The following PTPN4 variants were observed in gnomAD, a reference collection of about 807,000 sequenced individuals.
The protein encoded by PTPN4 is protein tyrosine phosphatase non-receptor type 4, also known as tyrosine-protein phosphatase non-receptor type 4.
PTPN4 carries 49 observed loss-of-function variants against 135.5 expected under a neutral mutation model. That is an observed-to-expected ratio of 0.36 (90% CI 0.29 to 0.46). PTPN4 has a LOEUF of 0.46. Among genes scored for constraint, PTPN4 ranks in the 20% least tolerant of loss-of-function variants. The probability of loss-of-function intolerance (pLI) is 1.00; values close to 1 mark genes in which losing one functional copy is unlikely to be tolerated. For missense variants in PTPN4, 860 were observed against 1,101.0 expected (o/e 0.78, Z 3.10); for synonymous variants, 333 against 369.9 (o/e 0.90, Z 1.14).
At chr2:119,764,797 A>G (rs931411807) in intron 1 of PTPN4, among the ~76,000 whole-genome samples, 2 of 152,204 alleles carry the variant, frequency 1.3e-5, no homozygotes, top group Non-Finnish European at 2.9e-5. Context: ...TTTAAAAAGG[A>G]TAAATACTGT....
At chr2:119,823,948 T>G (rs1014069284) in intron 2 of PTPN4, among the ~76,000 whole-genome samples, 3 of 152,240 alleles carry the variant, frequency 2.0e-5, no homozygotes, top group Non-Finnish European at 4.4e-5. Flanking sequence ...ATGTGGAGAC[T>G]CTGTGGAAAG....
At chr2:119,913,085 T>G (rs1678597500) in intron 10 of PTPN4, among the ~76,000 whole-genome samples, 1 of 152,204 alleles carries the variant, frequency 6.6e-6, no homozygotes, top group African/African-American at 2.4e-5. Flanking sequence ...TGCTGAATAA[T>G]TTTCCATTTT....
intron 1 of PTPN4, among the ~76,000 whole-genome samples, chr2:119,766,459 T>TCC (rs1558718916): frequency 9.9e-5 from 14 of 140,848 alleles, no homozygotes; most frequent in Admixed American, 2.8e-4. Flanking sequence ...CGTGTGTGTG[T>TCC]GTGTGTGTGT....
chr2:119,857,895 G>A (rs990184822), intron 2 of PTPN4, among the ~76,000 whole-genome samples: 2 of 152,148 alleles, frequency 1.3e-5, no homozygotes, highest in African/African-American at 4.8e-5. Context: ...GATTCCCAGT[G>A]TTGGAGGTAG....
intron 14 of PTPN4, among the ~76,000 whole-genome samples, chr2:119,934,116 A>T (rs915110049): frequency 1.3e-5 from 2 of 152,212 alleles, no homozygotes; most frequent in Non-Finnish European, 2.9e-5. Context: ...AAGATTTTTT[A>T]AAATTCTGAA....
rs146326955 is a variant in PTPN4 at position 119,772,253 on chromosome 2, G to C, written c.-18+11869G>C. 3.6e-3 allele frequency among the ~76,000 whole-genome samples: 550 copies of C among 152,308 alleles called. 3 individuals are homozygous for C. The highest frequency in any genetic ancestry group is 0.013 in the African/African-American group (528 of 41,572). ...AAAATGGAATGTCTTCTTTGGGAAGGGATCGTGATTTGAAAAAGTTCTCTT... is the reference window on the plus strand; with the variant it reads ...AAAATGGAATGTCTTCTTTGGGAAGCGATCGTGATTTGAAAAAGTTCTCTT... On this transcript the variant is annotated intron_variant, in intron 1 of 26. Coordinates refer to ENST00000263708, the MANE Select transcript of PTPN4 (RefSeq NM_002830.4).
intron 23 of PTPN4, 98 bp from the exon 24 acceptor site, chr2:119,962,516 TTA>T (rs1177792615): frequency 1.4e-6 from 1 of 710,402 alleles, no homozygotes; most frequent in Non-Finnish European, 1.9e-6. Flanking sequence ...CTTGTAACTT[TTA>T]TATGTTTGAA....
At chr2:119,962,472 G>T in intron 23 of PTPN4, 144 bp from the exon 24 acceptor site, 1 of 371,930 alleles carries the variant, frequency 2.7e-6, no homozygotes. Context: ...AAAAACACTA[G>T]TCAGCAGATC....
intron 2 of PTPN4, among the ~76,000 whole-genome samples, chr2:119,839,646 C>T (rs895241504): frequency 6.6e-6 from 1 of 152,126 alleles, no homozygotes; most frequent in Admixed American, 6.5e-5. Context: ...CCAAAGTGTT[C>T]AAGTATTTCT....
intron 2 of PTPN4, among the ~76,000 whole-genome samples, chr2:119,840,138 C>T (rs958550377): frequency 5.3e-5 from 8 of 152,068 alleles, no homozygotes; most frequent in East Asian, 1.9e-4. Flanking sequence ...TTAAGTTCAG[C>T]GATACACGTG....
intron 15 of PTPN4, among the ~76,000 whole-genome samples, chr2:119,936,297 C>T (rs904703524): frequency 3.9e-5 from 6 of 152,142 alleles, no homozygotes; most frequent in African/African-American, 7.2e-5. Flanking sequence ...CCCCCGCGCC[C>T]GGCCTCACAT....
intron 1 of PTPN4, among the ~76,000 whole-genome samples, chr2:119,798,223 A>G (rs955494615): frequency 1.3e-5 from 2 of 151,226 alleles, no homozygotes; most frequent in Admixed American, 6.6e-5. Flanking sequence ...CTGGAGTGCA[A>G]TGGCATGATC....
At chr2:119,791,330 A>G (rs1252877188) in intron 1 of PTPN4, 1 of 152,112 alleles carries the variant, frequency 6.6e-6, no homozygotes, top group Non-Finnish European at 1.5e-5. Flanking sequence ...GGGTTTCACC[A>G]TGTTGGTTGG....
rs183673624 is a variant in PTPN4, at chr2:119,921,706, A to G, written c.1001+1465A>G. 3.3e-3 allele frequency among the ~76,000 whole-genome samples: 495 copies of G among 152,124 alleles called. 14 individuals are homozygous for G. The highest frequency in any genetic ancestry group is 0.031 in the Admixed American group (471 of 15,272). ...AATTTAAAAGCAAATAGATGGAAGG[A>G]GAGAGTATCAGATCTATAATGAAAG... On this transcript the variant is annotated intron_variant, in intron 12 of 26. Coordinates refer to ENST00000263708, the MANE Select transcript of PTPN4 (RefSeq NM_002830.4).
At chr2:119,868,187 T>C (rs894410933) in intron 3 of PTPN4, among the ~76,000 whole-genome samples, 1 of 152,146 alleles carries the variant, frequency 6.6e-6, no homozygotes, top group Admixed American at 6.6e-5. Flanking sequence ...ATTTAATAAA[T>C]ATTTAAAGAT....
intron 2 of PTPN4, among the ~76,000 whole-genome samples, chr2:119,844,274 G>A (rs1275554921): frequency 1.4e-5 from 2 of 140,242 alleles, no homozygotes; most frequent in Admixed American, 6.9e-5. Context: ...CTGGCCGGGC[G>A]GAGGGCTCAC....
chr2:119,959,479 C>T (rs1343354948), intron 22 of PTPN4, among the ~76,000 whole-genome samples: 2 of 152,164 alleles, frequency 1.3e-5, no homozygotes, highest in Non-Finnish European at 2.9e-5. Context: ...GTAGCGCATT[C>T]CTGTAATCCC....
intron 1 of PTPN4, among the ~76,000 whole-genome samples, chr2:119,768,509 G>T (rs1286539204): frequency 1.3e-5 from 2 of 152,122 alleles, no homozygotes; most frequent in African/African-American, 2.4e-5. Context: ...CTATGTACAG[G>T]TATTTTATAA....
In PTPN4 at chr2:119,981,177, A is replaced by G. The variant is rs1558782069; in HGVS notation, c.*4107A>G. 2 of 152,068 alleles carry G rather than the reference A, an allele frequency of 1.3e-5. No homozygotes were observed. Among genetic ancestry groups the G allele is most frequent in the Non-Finnish European group, 2.9e-5 (2 of 67,952 alleles). The allele number at this position is 152,068 out of a possible 1,614,324, so 9.4% of individuals were successfully genotyped here. A position where few individuals can be genotyped will look rare whatever the true frequency, so the allele number is the denominator to read the frequency against. On this transcript the variant is annotated 3_prime_UTR_variant, in exon 27 of 27. Transcript: ENST00000263708. ...GGTAGTTACTTTATAGTTCAGATGA[A>G]TTTGCATTTCAGTCACTTATAGTAA...
Sources: allele counts gnomAD v4.1 joint callset (sites outside exome capture counted in the v4.1 genomes callset), GRCh38; gene constraint gnomAD v4.1.1; transcripts MANE v1.5; gene names NCBI Gene and HGNC (gene_info 2026-07-23, HGNC 2026-07-21).